The following DNM3 variants were observed in gnomAD, a reference collection of about 807,000 sequenced individuals.
The protein encoded by DNM3 is dynamin 3.
A neutral mutation model predicts 101.6 loss-of-function variants in DNM3; 47 were observed. That is an observed-to-expected ratio of 0.46 (90% confidence interval 0.37 to 0.59). The LOEUF is 0.59. Among genes scored for constraint, DNM3 ranks in the 20% least tolerant of loss-of-function variants. DNM3 has a pLI of 0.00. For synonymous variants in DNM3, 385 were observed against 387.9 expected (o/e 0.99, Z 0.09); for missense variants, 849 against 1,085.7 (o/e 0.78, Z 3.06).
chr1:171,923,014 T>C (rs2040299629), intron 2 of DNM3, among the ~76,000 whole-genome samples: 4 of 152,230 alleles, frequency 2.6e-5, no homozygotes, highest in Admixed American at 2.6e-4. Flanking sequence ...TAAACATTCA[T>C]GTACATGTTT....
intron 14 of DNM3, among the ~76,000 whole-genome samples, chr1:172,203,305 G>A (rs1044507747): frequency 8.5e-5 from 13 of 152,056 alleles, no homozygotes; most frequent in African/African-American, 2.7e-4. Flanking sequence ...TGCTGCATCC[G>A]CTGAGAATTG....
intron 15 of DNM3, among the ~76,000 whole-genome samples, chr1:172,306,230 C>T (rs1055553906): frequency 7.2e-5 from 11 of 152,138 alleles, no homozygotes; most frequent in African/African-American, 2.4e-4. Flanking sequence ...CATTCTTATA[C>T]ACCAGTAACA....
At chr1:171,955,147 G>A (rs2042772774) in intron 2 of DNM3, among the ~76,000 whole-genome samples, 1 of 152,192 alleles carries the variant, frequency 6.6e-6, no homozygotes, top group African/African-American at 2.4e-5. Context: ...GAGTAAGTGA[G>A]TTGCTGGATA....
At chr1:172,369,892 C>G (rs1427830574) in intron 17 of DNM3, among the ~76,000 whole-genome samples, 2 of 151,862 alleles carry the variant, frequency 1.3e-5, no homozygotes, top group Admixed American at 6.6e-5. Flanking sequence ...AGGTTGGTTT[C>G]TTCTGAGGCC....
chr1:172,266,224 C>G (rs1430447644), intron 15 of DNM3, among the ~76,000 whole-genome samples: 3 of 152,002 alleles, frequency 2.0e-5, no homozygotes, highest in Non-Finnish European at 2.9e-5. Context: ...GGCTACATTT[C>G]TATACTAAGA....
chr1:172,049,372 A>G (rs1169932062), intron 10 of DNM3, among the ~76,000 whole-genome samples: 1 of 152,210 alleles, frequency 6.6e-6, no homozygotes, highest in African/African-American at 2.4e-5. Context: ...CCTGAAACCT[A>G]TGGGACACCT....
At chr1:171,991,968 T>C (rs1288045201) in intron 4 of DNM3, among the ~76,000 whole-genome samples, 2 of 152,196 alleles carry the variant, frequency 1.3e-5, no homozygotes, top group Non-Finnish European at 2.9e-5. Context: ...CTCTTTGAAA[T>C]TGTTTCTTTT....
intron 19 of DNM3, 69 bp downstream of exon 19, chr1:172,387,428 C>A: frequency 2.3e-6 from 3 of 1,331,112 alleles, no homozygotes; most frequent in South Asian, 1.3e-5. Flanking sequence ...GAGGCCGAGG[C>A]GGGCGGATCA....
At chr1:172,257,357 T>G (rs1339777472) in intron 15 of DNM3, among the ~76,000 whole-genome samples, 1 of 152,122 alleles carries the variant, frequency 6.6e-6, no homozygotes, top group Non-Finnish European at 1.5e-5. Context: ...CACATGAGCA[T>G]TAAAAAGGTC....
intron 17 of DNM3, among the ~76,000 whole-genome samples, chr1:172,332,561 A>G (rs1186526601): frequency 6.6e-6 from 1 of 152,088 alleles, no homozygotes. Flanking sequence ...CGCCCACCTT[A>G]GCCTCCCAAA....
intron 4 of DNM3, among the ~76,000 whole-genome samples, chr1:172,029,915 A>G (rs1013914847): frequency 1.3e-5 from 2 of 152,248 alleles, no homozygotes; most frequent in Non-Finnish European, 2.9e-5. Context: ...GAGGATACAA[A>G]TAAATGGAAA....
chr1:172,296,724 A>G (rs1461785743), intron 15 of DNM3, among the ~76,000 whole-genome samples: 9 of 152,196 alleles, frequency 5.9e-5, no homozygotes, highest in Non-Finnish European at 8.8e-5. Flanking sequence ...ATTCATTTCT[A>G]TGTATTTTAA....
At chr1:172,417,285 G>A (rs981552745), downstream of DNM3, among the ~76,000 whole-genome samples, 1 of 152,246 alleles carries the variant, frequency 6.6e-6, no homozygotes, top group East Asian at 1.9e-4. Flanking sequence ...TTAAAGTGTA[G>A]ACTTCTGCCA....
intron 14 of DNM3, among the ~76,000 whole-genome samples, chr1:172,246,180 A>G (rs2061946229): frequency 6.6e-6 from 1 of 152,122 alleles, no homozygotes. Context: ...TTCCTCCAAC[A>G]TTGGGAATTA....
chr1:172,388,478 T>C, intron 19 of DNM3, 95 bp from the exon 20 acceptor site: 1 of 1,101,528 alleles, frequency 9.1e-7, no homozygotes, highest in Non-Finnish European at 1.3e-6. Context: ...AGTCAAAAAA[T>C]AATTTTTAAA....
At chr1:171,923,919 G>A (rs1466034885) in intron 2 of DNM3, among the ~76,000 whole-genome samples, 2 of 152,120 alleles carry the variant, frequency 1.3e-5, no homozygotes, top group African/African-American at 4.8e-5. Flanking sequence ...ACACTTGTAA[G>A]TGTGAATGTG....
chr1:172,298,387 G>T (rs2064266311), intron 15 of DNM3, among the ~76,000 whole-genome samples: 1 of 152,216 alleles, frequency 6.6e-6, no homozygotes, highest in Non-Finnish European at 1.5e-5. Context: ...GCCAGTAATA[G>T]GCACTGCTAT....
intron 17 of DNM3, among the ~76,000 whole-genome samples, chr1:172,330,802 A>C (rs1407923810): frequency 6.6e-6 from 1 of 152,226 alleles, no homozygotes; most frequent in Admixed American, 6.5e-5. Flanking sequence ...CATAAAAGAA[A>C]TAGATTAAAC....
intron 14 of DNM3, among the ~76,000 whole-genome samples, chr1:172,160,562 G>A (rs2148286428): frequency 6.6e-6 from 1 of 151,934 alleles, no homozygotes; most frequent in South Asian, 2.1e-4. Flanking sequence ...TTACTGGAAG[G>A]TCTTCGGTGG....
Sources: allele counts gnomAD v4.1 joint callset (sites outside exome capture counted in the v4.1 genomes callset), GRCh38; gene constraint gnomAD v4.1.1; transcripts MANE v1.5; gene names NCBI Gene and HGNC (gene_info 2026-07-23, HGNC 2026-07-21).